FGF10: variants seen among roughly 807,000 people sequenced by gnomAD.
FGF10 encodes fibroblast growth factor 10, also known as FGF-10.
In FGF10, 2 loss-of-function variants were observed where a neutral mutation model predicts 19.8. The ratio of observed to expected loss-of-function variants is 0.10; its 90% CI spans 0.04 to 0.32. The LOEUF (loss-of-function observed/expected upper bound fraction) is 0.32. Among genes scored for constraint, FGF10 ranks in the 10% least tolerant of loss-of-function variants. FGF10 has a pLI of 1.00. For synonymous variants in FGF10, 112 were observed against 94.0 expected (o/e 1.19, Z -1.10); for missense variants, 191 against 246.3 (o/e 0.78, Z 1.50).
At chr5:44,340,930 G>T (rs1384949775) in intron 1 of FGF10, among the ~76,000 whole-genome samples, 1 of 151,768 alleles carries the variant, frequency 6.6e-6, no homozygotes, top group Non-Finnish European at 1.5e-5. Context: ...GAAAAACCAT[G>T]TCCATGTATA....
intron 1 of FGF10, among the ~76,000 whole-genome samples, chr5:44,338,427 C>A (rs552235826): frequency 6.6e-6 from 1 of 151,116 alleles, no homozygotes; most frequent in African/African-American, 2.4e-5. Context: ...TCTGTGTAGA[C>A]CTCCTGGTTT....
At chr5:44,322,724 G>T (rs1740526374) in intron 1 of FGF10, among the ~76,000 whole-genome samples, 1 of 151,282 alleles carries the variant, frequency 6.6e-6, no homozygotes, top group African/African-American at 2.4e-5. Context: ...TGTGAAGCAG[G>T]GTTTTCTGCA....
chr5:44,388,267 T>C, intron 1 of FGF10, 91 bp downstream of exon 1: 1 of 1,205,262 alleles, frequency 8.3e-7, no homozygotes, highest in Non-Finnish European at 1.2e-6. Flanking sequence ...GACGTAAATA[T>C]TTAGCTGGCC....
At chr5:44,364,504 T>C (rs1188728717) in intron 1 of FGF10, among the ~76,000 whole-genome samples, 1 of 151,860 alleles carries the variant, frequency 6.6e-6, no homozygotes, top group Admixed American at 6.6e-5. Flanking sequence ...CTGCTAGATG[T>C]GCTACAAAAC....
At chr5:44,356,939 G>T (rs1329092515) in intron 1 of FGF10, among the ~76,000 whole-genome samples, 1 of 151,052 alleles carries the variant, frequency 6.6e-6, no homozygotes, top group Non-Finnish European at 1.5e-5. Flanking sequence ...AACTAACCAG[G>T]TGACCTTACA....
intron 1 of FGF10, among the ~76,000 whole-genome samples, chr5:44,341,023 T>C (rs61032851): frequency 0.28 from 42,232 of 151,748 alleles, 6,225 homozygotes; most frequent in Admixed American, 0.4. Flanking sequence ...CCATTTAATA[T>C]GAGAAAAATA....
intron 1 of FGF10, among the ~76,000 whole-genome samples, chr5:44,340,318 C>G (rs1740940273): frequency 6.6e-6 from 1 of 151,994 alleles, no homozygotes; most frequent in Admixed American, 6.6e-5. Flanking sequence ...AAGTTATACA[C>G]TTTAGTGAGG....
At chr5:44,380,968 C>T (rs889668713) in intron 1 of FGF10, among the ~76,000 whole-genome samples, 5 of 152,190 alleles carry the variant, frequency 3.3e-5, no homozygotes, top group Non-Finnish European at 5.9e-5. Flanking sequence ...ATCATCTTCA[C>T]TTTCTTTCTT....
intron 1 of FGF10, among the ~76,000 whole-genome samples, chr5:44,386,346 A>G (rs548331801): frequency 2.0e-5 from 3 of 152,278 alleles, no homozygotes; most frequent in Admixed American, 2.0e-4. Context: ...AAAAAGAAAA[A>G]TGTTTGCTCA....
intron 2 of FGF10, among the ~76,000 whole-genome samples, chr5:44,308,781 A>G (rs1270146454): frequency 1.3e-5 from 2 of 152,146 alleles, no homozygotes; most frequent in Non-Finnish European, 2.9e-5. Flanking sequence ...AGTAAAATAC[A>G]AGGCTACTCT....
intron 1 of FGF10, among the ~76,000 whole-genome samples, chr5:44,330,398 A>C (rs998708809): frequency 2.0e-5 from 3 of 152,152 alleles, no homozygotes; most frequent in African/African-American, 4.8e-5. Flanking sequence ...TCCACCTTTC[A>C]CCCTACCAAA....
chr5:44,315,191 A>G (rs932223019), intron 1 of FGF10, among the ~76,000 whole-genome samples: 12 of 152,060 alleles, frequency 7.9e-5, no homozygotes, highest in African/African-American at 2.9e-4. Context: ...ACAAAAAAAA[A>G]AAAAAACCAG....
chr5:44,387,038 T>C (rs970391280), intron 1 of FGF10, among the ~76,000 whole-genome samples: 1 of 152,172 alleles, frequency 6.6e-6, no homozygotes, highest in African/African-American at 2.4e-5. Context: ...CACAAAAATG[T>C]CCCCTTTAAA....
At chr5:44,322,107 G>T (rs1460692160) in intron 1 of FGF10, among the ~76,000 whole-genome samples, 1 of 152,114 alleles carries the variant, frequency 6.6e-6, no homozygotes, top group Non-Finnish European at 1.5e-5. Flanking sequence ...TTTAAAGGTA[G>T]ATCCCTGGCC....
intron 1 of FGF10, among the ~76,000 whole-genome samples, chr5:44,344,082 C>T (rs1209999982): frequency 1.3e-5 from 2 of 151,794 alleles, no homozygotes; most frequent in Admixed American, 6.6e-5. Flanking sequence ...AATGTGAATC[C>T]AGACATAGGG....
At chr5:44,341,001 G>A (rs1255744090) in intron 1 of FGF10, among the ~76,000 whole-genome samples, 1 of 151,870 alleles carries the variant, frequency 6.6e-6, no homozygotes, top group South Asian at 2.1e-4. Context: ...ATGATGACTT[G>A]AAATATACTT....
At chr5:44,367,660 A>G (rs1262934005) in intron 1 of FGF10, among the ~76,000 whole-genome samples, 1 of 152,028 alleles carries the variant, frequency 6.6e-6, no homozygotes, top group Non-Finnish European at 1.5e-5. Flanking sequence ...TTGAGCATTA[A>G]GTGAGTGTAC....
At chr5:44,325,989 A>C (rs1484082805) in intron 1 of FGF10, among the ~76,000 whole-genome samples, 1 of 152,246 alleles carries the variant, frequency 6.6e-6, no homozygotes, top group Non-Finnish European at 1.5e-5. Context: ...TTCAATAGGT[A>C]TGTATATGAA....
chr5:44,322,420 A>ACAGCTGGTACATGATCACTTACCT (rs1481343367), intron 1 of FGF10, among the ~76,000 whole-genome samples: 2 of 152,194 alleles, frequency 1.3e-5, no homozygotes, highest in East Asian at 3.9e-4. Flanking sequence ...CTTCTTTCTC[A>ACAGCTGGTACATGATCACTTACCT]CAGCTGGTAC....
Sources: gnomAD v4.1 joint callset for allele counts (sites outside exome capture counted in the v4.1 genomes callset) on GRCh38, gnomAD v4.1.1 for gene constraint, MANE v1.5 for transcripts, NCBI Gene and HGNC (gene_info 2026-07-23, HGNC 2026-07-21) for gene names.